The following TEPSIN variants were observed in gnomAD, a reference collection of about 807,000 sequenced individuals.
The protein encoded by TEPSIN is TEPSIN adaptor related protein complex 4 accessory protein.
A neutral mutation model predicts 48.5 loss-of-function variants in TEPSIN; 50 were observed. The observed-to-expected ratio is 1.03, with a 90% CI of 0.82 to 1.31. The LOEUF is 1.31. Ranked by LOEUF, TEPSIN falls within the 50% of genes most tolerant of loss-of-function variation. The probability of loss-of-function intolerance (pLI) is 0.00; values close to 1 mark genes in which losing one functional copy is unlikely to be tolerated. For synonymous variants in TEPSIN, 392 were observed against 358.8 expected, an observed-to-expected ratio of 1.09 and a Z score of -1.05; for missense variants, 838 against 815.9, an observed-to-expected ratio of 1.03 and a Z score of -0.33.
Position 81,229,108 on chromosome 17 carries a change from G to A in TEPSIN, c.1602C>T (p.Ser534=). The A allele has an allele frequency of 6.2e-7, 1 of 1,613,504 alleles. No homozygotes were observed. Among genetic ancestry groups the A allele is most frequent in the African/African-American group, 1.3e-5 (1 of 75,002 alleles). Residue 534 remains serine (S), a synonymous_variant, in exon 13 of 13, where the codon AGC becomes AGT. Coordinates refer to ENST00000637944, the MANE Select transcript of TEPSIN (RefSeq NM_001363764.2). ...PKRGPSSCAW[S]RDSLFAGMEL... The stretch of plus-strand genomic sequence containing the variant: ...CCATGCCAGCAAACAAGGAGTCGCG[G>A]CTCCACGCACAGCTGCTGGGGCCTC...
In TEPSIN at chr17:81,233,459, C is replaced by T. The variant is rs1237605445; in HGVS notation, c.499G>A (p.Gly167Ser). The change falls in exon 7 of 13, where the codon GGC (glycine) becomes AGC (serine). Residue 167 changes from glycine to serine, a missense_variant. Physicochemically the swap from Gly to Ser is moderately conservative, Grantham distance 56 (BLOSUM62 0). Coordinates refer to ENST00000637944, the MANE Select transcript of TEPSIN (RefSeq NM_001363764.2). This position sits in a 1 kb window ranked among gnomAD's most constrained non-coding sequence, Gnocchi z 5.8. ...ARPHSTLQGF[G>S]YSKEHGRTGS... ...GTGCGGCCGTGTTCCTTGCTGTAGC[C>T]GAAACCCTGGAGGGTGCTGTGCGGC... The T allele has an allele frequency of 6.8e-6, 11 of 1,610,914 alleles. No individual in the cohort carries two copies. Among genetic ancestry groups the T allele is most frequent in the African/African-American group, 6.7e-5 (5 of 74,834 alleles).
At chr17:81,237,353 C>G in intron 2 of TEPSIN, 34 bp downstream of exon 2, 1 of 1,603,274 alleles carries the variant, frequency 6.2e-7, no homozygotes, top group Non-Finnish European at 8.5e-7. Context: ...GCCATCCGCT[C>G]TTTCCACTAC....
At position 81,232,401 on chromosome 17, in the gene TEPSIN, G is replaced by T. The variant is rs2062633865; in HGVS notation, c.644C>A (p.Thr215Asn). The T allele has an allele frequency of 1.3e-6, 2 of 1,535,868 alleles. No individual in the cohort carries two copies. The highest frequency in any genetic ancestry group is 1.7e-6 in the Non-Finnish European group (2 of 1,146,734). ...STRRLLPRGD[T>N]YQPAMMPSAS... is the part of the protein sequence containing the mutation. The stretch of plus-strand genomic sequence containing the variant: ...TGAAGGCATCATGGCAGGCTGGTAG[G>T]TGTCACCCCGCGGCAGGAGCCTCCG... Residue 215 changes from threonine to asparagine, a missense_variant, in exon 8 of 13, where the codon ACC (threonine) becomes AAC (asparagine). Thr to Asn is a moderately conservative substitution (Grantham distance 65). Coordinates refer to ENST00000637944, the MANE Select transcript of TEPSIN (RefSeq NM_001363764.2).
At chr17:81,236,491 C>T (rs953560206) in intron 4 of TEPSIN, among the ~76,000 whole-genome samples, 11 of 152,108 alleles carry the variant, frequency 7.2e-5, no homozygotes, top group Admixed American at 3.3e-4. Flanking sequence ...GGGGGCAGGG[C>T]GCGTCAGGGG....
At chr17:81,238,782 C>T in intron 1 of TEPSIN, 1 of 1,315,044 alleles carries the variant, frequency 7.6e-7, no homozygotes, top group Non-Finnish European at 9.6e-7. Flanking sequence ...CTCGGCGGGT[C>T]CGGCTTGGAA....
intron 1 of TEPSIN, chr17:81,238,012 ATG>A (rs2062756441): frequency 2.0e-6 from 2 of 996,702 alleles, no homozygotes; most frequent in South Asian, 8.6e-5. Context: ...TGGCACAAAG[ATG>A]TACGGTTTAT....
At chr17:81,236,946 C>G (rs375219252) in intron 3 of TEPSIN, 34 bp downstream of exon 3, 189 of 1,549,144 alleles carry the variant, frequency 1.2e-4, no homozygotes, top group Non-Finnish European at 4.6e-5. Flanking sequence ...TGGGCCGGGC[C>G]TCAGGCCTGA....
intron 11 of TEPSIN, chr17:81,231,076 C>T: frequency 1.9e-6 from 1 of 519,752 alleles, no homozygotes; most frequent in Non-Finnish European, 3.4e-6. Context: ...CTTTCATGTG[C>T]ATGCACACAC....
chr17:81,238,870 G>A lies in TEPSIN; in HGVS notation c.48+116C>T, dbSNP rs544111914. ...GTCGGCGCGGGCGAAGGGGCCAGGA[G>A]CAGCTACCCGGCGCGGAGACGCAAG... On this transcript the variant is annotated intron_variant, in intron 1 of 12. Coordinates refer to ENST00000637944, the MANE Select transcript of TEPSIN (RefSeq NM_001363764.2). The A allele has an allele frequency of 1.2e-4, 166 of 1,363,544 alleles. 1 individual carries two copies. The African/African-American group carries it at 2.3e-3, about 19-fold the overall frequency. The allele number at this position is 1,363,544 out of a possible 1,614,324, so 84.5% of individuals were successfully genotyped here. A position where few individuals can be genotyped will look rare whatever the true frequency, so the allele number is the denominator to read the frequency against.
At position 81,234,988 on chromosome 17, in the gene TEPSIN, T is replaced by A. The variant is rs531624924; in HGVS notation, c.308-940A>T. The stretch of plus-strand genomic sequence containing the variant: ...CAAATAACATCTCCAACCAGAAACA[T>A]TCCAAACTCCTCCCCAACCAGAGAC... On this transcript the variant is annotated intron_variant, in intron 4 of 12. Transcript: ENST00000637944. The surrounding 1 kb of genome is among the most constrained non-coding windows in gnomAD (Gnocchi z 5.4). Among the ~76,000 whole-genome samples the A allele has an allele frequency of 6.6e-6, 1 of 152,020 alleles. No homozygotes were observed. The highest frequency in any genetic ancestry group is 1.5e-5 in the Non-Finnish European group (1 of 67,962).
intron 1 of TEPSIN, chr17:81,238,282 C>A (rs770530198): frequency 1.8e-6 from 1 of 551,296 alleles, no homozygotes; most frequent in Non-Finnish European, 2.3e-6. Flanking sequence ...TGACAGCTGA[C>A]AACTGCAGAA....
chr17:81,230,500 T>C lies in TEPSIN; in HGVS notation c.1233+44A>G. On this transcript the variant is annotated intron_variant, in intron 12 of 12. Coordinates refer to ENST00000637944, the MANE Select transcript of TEPSIN (RefSeq NM_001363764.2). This position sits in a 1 kb window ranked among gnomAD's most constrained non-coding sequence, Gnocchi z 4.2. ...GTGGACTGCAGCGTATCTCCCACTGTACCCTTGGACCCCGGTGTGCGTGTG... is the reference window on the plus strand; with the variant it reads ...GTGGACTGCAGCGTATCTCCCACTGCACCCTTGGACCCCGGTGTGCGTGTG... 2 of 1,605,084 alleles carry C rather than the reference T, an allele frequency of 1.2e-6. No individual in the cohort carries two copies. Among genetic ancestry groups the C allele is most frequent in the Non-Finnish European group, 1.7e-6 (2 of 1,177,556 alleles).
In TEPSIN at chr17:81,237,064, G is replaced by A; in HGVS notation, c.129C>T (p.Ser43=). The part of the protein sequence containing the change: ...GYLFEEIAKI[S]HESPGSSQCL... ...ACTGGCTGCTGCCCGGAGACTCGTG[G>A]GAGATTTCTGCGGCACGCTCGGGTT... is the stretch of plus-strand genomic sequence containing the variant. The change falls in exon 3 of 13, where the codon TCC becomes TCT. Residue 43 remains serine (S), a synonymous_variant. Transcript: ENST00000637944. The A allele has an allele frequency of 6.3e-7, 1 of 1,591,156 alleles. No homozygotes were observed. The highest frequency in any genetic ancestry group is 8.6e-7 in the Non-Finnish European group (1 of 1,169,056).
At position 81,236,983 on chromosome 17, in the gene TEPSIN, G is replaced by A. The variant is rs1438964288; in HGVS notation, c.210C>T (p.Leu70=). 1.3e-6 allele frequency: 2 copies of A among 1,578,754 alleles called. No individual in the cohort carries two copies. The highest frequency in any genetic ancestry group is 4.6e-5 in the East Asian group (2 of 43,110). ...RLHSSSGHGK[L]KVLKILLYLC... ...CCTTGACCACCCAGGGGCTCACCTT[G>A]AGCTTCCCGTGGCCGGAGCTGCTGT... Residue 70 remains leucine (L), a synonymous_variant, in exon 3 of 13, where the codon CTC becomes CTT. Transcript: ENST00000637944.
chr17:81,232,184 T>A, intron 8 of TEPSIN, 131 bp downstream of exon 8: 2 of 1,313,220 alleles, frequency 1.5e-6, no homozygotes, highest in Non-Finnish European at 2.0e-6. Flanking sequence ...CATGGGCATG[T>A]GCTTCCGCCG....
chr17:81,237,538 G>A (rs2062746491), intron 1 of TEPSIN, 79 bp from the exon 2 acceptor site: 1 of 1,408,286 alleles, frequency 7.1e-7, no homozygotes, highest in African/African-American at 1.4e-5. Flanking sequence ...CAAAGGGGAT[G>A]GAAACGACCC....
In TEPSIN at chr17:81,233,958, A is replaced by G; in HGVS notation, c.375+23T>C. 1 of 1,591,444 alleles carries G rather than the reference A, an allele frequency of 6.3e-7. No individual in the cohort carries two copies. Among genetic ancestry groups the G allele is most frequent in the Non-Finnish European group, 8.5e-7 (1 of 1,173,292 alleles). On this transcript the variant is annotated intron_variant, in intron 5 of 12. Coordinates refer to ENST00000637944, the MANE Select transcript of TEPSIN (RefSeq NM_001363764.2). This position sits in a 1 kb window ranked among gnomAD's most constrained non-coding sequence, Gnocchi z 5.8. ...CTACAGGAGGAGGGGCACCCCGCAG[A>G]GCGACACTGCTCCTGGGCTCACCTG...
chr17:81,232,346 G>T lies in TEPSIN; in HGVS notation c.699C>A (p.Asn233Lys), dbSNP rs1472603183. ...GACCTGGAATGGCCCCGGGGAGTAG[G>T]TTCCCCAGGGTTGGGGGACCGTGGC... ...SASHGPPTLG[N>K]LLPGAIPGPR... The change falls in exon 8 of 13, where the codon AAC becomes AAA. Residue 233 changes from asparagine (N) to lysine (K), a missense_variant. Transcript: ENST00000637944. 2.0e-6 allele frequency: 3 copies of T among 1,534,412 alleles called. No individual in the cohort carries two copies. Among genetic ancestry groups the T allele is most frequent in the Non-Finnish European group, 2.6e-6 (3 of 1,145,724 alleles).
At chr17:81,236,621 T>G in intron 4 of TEPSIN, 87 bp downstream of exon 4, 1 of 1,356,524 alleles carries the variant, frequency 7.4e-7, no homozygotes, top group Non-Finnish European at 1.0e-6. Context: ...CTGGCTGAAG[T>G]CTTCCTTCTC....
Sources: allele counts gnomAD v4.1 joint callset (sites outside exome capture counted in the v4.1 genomes callset), GRCh38; gene constraint gnomAD v4.1.1; non-coding constraint Gnocchi (gnomAD v3.1); transcripts MANE v1.5; gene names NCBI Gene and HGNC (gene_info 2026-07-23, HGNC 2026-07-21).